PRR16: variants seen among roughly 807,000 people sequenced by gnomAD.
The protein encoded by PRR16 is protein Largen.
In PRR16, 6 loss-of-function variants were observed where a neutral mutation model predicts 18.2. The observed-to-expected ratio is 0.33, with a 90% CI of 0.18 to 0.65. PRR16 has a LOEUF of 0.65. Among genes scored for constraint, PRR16 ranks in the 30% least tolerant of loss-of-function variants. The probability of loss-of-function intolerance (pLI) is 0.74; values close to 1 mark genes in which losing one functional copy is unlikely to be tolerated. For missense variants in PRR16, 412 were observed against 376.6 expected (o/e 1.09, Z -0.78); for synonymous variants, 151 against 147.8 (o/e 1.02, Z -0.16).
At chr5:120,571,289 G>T (rs1440714721) in intron 1 of PRR16, among the ~76,000 whole-genome samples, 2 of 152,166 alleles carry the variant, frequency 1.3e-5, no homozygotes. Flanking sequence ...AGCCATGTGG[G>T]TGATGAGAGG....
intron 1 of PRR16, among the ~76,000 whole-genome samples, chr5:120,648,464 A>G (rs1755669463): frequency 6.6e-6 from 1 of 152,056 alleles, no homozygotes; most frequent in Non-Finnish European, 1.5e-5. Context: ...GCCTTCCCTT[A>G]CATTCAGAAT....
chr5:120,659,517 A>C (rs1289089602), intron 1 of PRR16, among the ~76,000 whole-genome samples: 5 of 152,080 alleles, frequency 3.3e-5, no homozygotes, highest in Non-Finnish European at 5.9e-5. Flanking sequence ...ATATATAATG[A>C]TCAAGGCAGG....
At chr5:120,542,826 C>T (rs1751957014) in intron 1 of PRR16, among the ~76,000 whole-genome samples, 1 of 152,062 alleles carries the variant, frequency 6.6e-6, no homozygotes, top group Non-Finnish European at 1.5e-5. Context: ...ATTTGTCTCT[C>T]TTGTGACGAC....
intron 1 of PRR16, among the ~76,000 whole-genome samples, chr5:120,624,819 G>A (rs549758295): frequency 6.6e-6 from 1 of 152,150 alleles, no homozygotes; most frequent in East Asian, 1.9e-4. Flanking sequence ...GTTGTGGGAG[G>A]GACCTGGTGG....
At chr5:120,485,457 G>A (rs1410127316) in intron 1 of PRR16, among the ~76,000 whole-genome samples, 1 of 152,280 alleles carries the variant, frequency 6.6e-6, no homozygotes, top group East Asian at 1.9e-4. Context: ...CCAACATTAA[G>A]CAGACATTGA....
chr5:120,640,973 T>C (rs1302186371), intron 1 of PRR16, among the ~76,000 whole-genome samples: 1 of 152,084 alleles, frequency 6.6e-6, no homozygotes, highest in Non-Finnish European at 1.5e-5. Flanking sequence ...GAGAGAAATA[T>C]CCATTGCCCA....
intron 1 of PRR16, among the ~76,000 whole-genome samples, chr5:120,650,159 G>C (rs1253207243): frequency 1.3e-5 from 2 of 151,000 alleles, no homozygotes; most frequent in Non-Finnish European, 2.9e-5. Context: ...GGAGGTTGCA[G>C]TGAGCCAAGA....
At chr5:120,700,602 T>A in the PRR16 span, among the ~76,000 whole-genome samples, 27 of 151,374 alleles carry the variant, frequency 1.8e-4, no homozygotes, top group East Asian at 5.3e-3. Flanking sequence ...TAAAAAGGAG[T>A]GCTTAAAAGA....
At chr5:120,760,431 A>G in the PRR16 span, among the ~76,000 whole-genome samples, 1 of 152,014 alleles carries the variant, frequency 6.6e-6, no homozygotes, top group Non-Finnish European at 1.5e-5. Flanking sequence ...CCTCCCCCTC[A>G]TATTAGTTTA....
At chr5:120,584,513 G>A (rs1753375348) in intron 1 of PRR16, among the ~76,000 whole-genome samples, 1 of 152,072 alleles carries the variant, frequency 6.6e-6, no homozygotes, top group Non-Finnish European at 1.5e-5. Flanking sequence ...ATTTTAAAAA[G>A]TATTTTATGA....
chr5:120,477,260 A>G (rs913090012), intron 1 of PRR16, among the ~76,000 whole-genome samples: 5 of 152,030 alleles, frequency 3.3e-5, no homozygotes, highest in Admixed American at 6.6e-5. Context: ...TCTACTCCCT[A>G]TCTCTACTTG....
At chr5:120,774,597 T>C in the PRR16 span, among the ~76,000 whole-genome samples, 3 of 152,120 alleles carry the variant, frequency 2.0e-5, no homozygotes, top group Admixed American at 2.0e-4. Flanking sequence ...TTAGCACAAC[T>C]GTCAATCCTG....
At chr5:120,752,407 T>C in the PRR16 span, among the ~76,000 whole-genome samples, 1 of 151,894 alleles carries the variant, frequency 6.6e-6, no homozygotes. Context: ...CATAACCTGT[T>C]TATTGTTTTT....
chr5:120,554,043 A>G (rs1752337952), intron 1 of PRR16, among the ~76,000 whole-genome samples: 1 of 151,944 alleles, frequency 6.6e-6, no homozygotes, highest in African/African-American at 2.4e-5. Flanking sequence ...CTAAATTCAC[A>G]GATAATACAC....
chr5:120,563,580 G>A (rs767363866), intron 1 of PRR16, among the ~76,000 whole-genome samples: 1 of 152,102 alleles, frequency 6.6e-6, no homozygotes, highest in Non-Finnish European at 1.5e-5. Context: ...AAAGCCTAAG[G>A]GATCTTCATT....
chr5:120,581,216 T>C (rs778523055), intron 1 of PRR16, among the ~76,000 whole-genome samples: 18 of 152,342 alleles, frequency 1.2e-4, no homozygotes, highest in Middle Eastern at 3.4e-3. Flanking sequence ...ATTGGTCTAT[T>C]CAGGGATTCA....
chr5:120,507,437 G>T (rs1750682489), intron 1 of PRR16, among the ~76,000 whole-genome samples: 1 of 152,022 alleles, frequency 6.6e-6, no homozygotes, highest in South Asian at 2.1e-4. Flanking sequence ...AAACCTTACA[G>T]TTAGCAAAAG....
chr5:120,781,623 C>T, the PRR16 span: 2 of 152,088 alleles, frequency 1.3e-5, no homozygotes, highest in African/African-American at 4.8e-5. Flanking sequence ...GGTTTTCTCA[C>T]ATTTCTTAAG....
chr5:120,636,043 T>C (rs538227796), intron 1 of PRR16, among the ~76,000 whole-genome samples: 1 of 151,684 alleles, frequency 6.6e-6, no homozygotes, highest in African/African-American at 2.4e-5. Context: ...AATAAATAAA[T>C]AAAATACTTA....
Sources: gnomAD v4.1 joint callset for allele counts (sites outside exome capture counted in the v4.1 genomes callset) on GRCh38, gnomAD v4.1.1 for gene constraint, MANE v1.5 for transcripts, NCBI Gene and HGNC (gene_info 2026-07-23, HGNC 2026-07-21) for gene names.